The following FRMD4A variants were observed in gnomAD, a reference collection of about 807,000 sequenced individuals.
The protein encoded by FRMD4A is FERM domain containing 4A.
Under a neutral mutation model 129.1 loss-of-function variants are expected in FRMD4A, and 29 were observed. The ratio of observed to expected loss-of-function variants is 0.22; its 90% CI spans 0.17 to 0.31. The LOEUF (loss-of-function observed/expected upper bound fraction) is 0.31. Ranked by LOEUF, FRMD4A falls within the 10% of genes least tolerant of loss-of-function variation. The pLI is 1.00. For missense variants in FRMD4A, 1,272 were observed against 1,375.8 expected, an observed-to-expected ratio of 0.92 and a Z score of 1.19; for synonymous variants, 634 against 571.6, an observed-to-expected ratio of 1.11 and a Z score of -1.56.
At chr10:14,091,553 C>G (rs1363820496) in intron 2 of FRMD4A, among the ~76,000 whole-genome samples, 1 of 152,192 alleles carries the variant, frequency 6.6e-6, no homozygotes, top group Non-Finnish European at 1.5e-5. Flanking sequence ...TCTGCCTCAG[C>G]CTCCTGAGTA....
chr10:14,196,985 G>T (rs1312980604), intron 2 of FRMD4A, among the ~76,000 whole-genome samples: 1 of 152,148 alleles, frequency 6.6e-6, no homozygotes, highest in African/African-American at 2.4e-5. Flanking sequence ...CCATGAATTG[G>T]AAACCAACGA....
intron 2 of FRMD4A, among the ~76,000 whole-genome samples, chr10:14,004,230 A>C (rs2095653405): frequency 6.6e-6 from 1 of 152,212 alleles, no homozygotes; most frequent in African/African-American, 2.4e-5. Context: ...TCTAAATATA[A>C]AAAATTGTCA....
chr10:13,669,342 C>T (rs1395363372), intron 17 of FRMD4A, among the ~76,000 whole-genome samples: 5 of 152,104 alleles, frequency 3.3e-5, no homozygotes, highest in South Asian at 4.1e-4. Context: ...GATTTTGCAG[C>T]GAAAGGCGTG....
chr10:13,892,833 GA>G (rs2094716449), intron 2 of FRMD4A, among the ~76,000 whole-genome samples: 2 of 152,220 alleles, frequency 1.3e-5, no homozygotes, highest in Admixed American at 1.3e-4. Context: ...GTAATAAAAA[GA>G]AATCACTCAC....
intron 2 of FRMD4A, among the ~76,000 whole-genome samples, chr10:14,049,993 C>T (rs1345410828): frequency 6.6e-6 from 1 of 152,214 alleles, no homozygotes; most frequent in Non-Finnish European, 1.5e-5. Context: ...TACTGAGCAC[C>T]TACGACACGG....
At chr10:13,965,853 A>T (rs949644780) in intron 2 of FRMD4A, among the ~76,000 whole-genome samples, 7 of 152,240 alleles carry the variant, frequency 4.6e-5, no homozygotes, top group Non-Finnish European at 7.3e-5. Context: ...GAGATCAAAG[A>T]CCAGGCAACC....
At chr10:13,927,541 C>T (rs1297576683) in intron 2 of FRMD4A, among the ~76,000 whole-genome samples, 1 of 152,146 alleles carries the variant, frequency 6.6e-6, no homozygotes, top group Non-Finnish European at 1.5e-5. Context: ...TCTCAGGGTA[C>T]AAGTTCTACA....
intron 2 of FRMD4A, among the ~76,000 whole-genome samples, chr10:14,114,032 G>A (rs980060854): frequency 6.6e-6 from 1 of 152,146 alleles, no homozygotes; most frequent in African/African-American, 2.4e-5. Context: ...GTCTCAGTAG[G>A]GGGTGCCTTC....
intron 2 of FRMD4A, among the ~76,000 whole-genome samples, chr10:13,965,688 G>T (rs1403001630): frequency 6.6e-6 from 1 of 152,170 alleles, no homozygotes; most frequent in Non-Finnish European, 1.5e-5. Flanking sequence ...AATCTGCACA[G>T]TATTTCCAAT....
intron 6 of FRMD4A, among the ~76,000 whole-genome samples, chr10:13,763,961 G>A (rs932796861): frequency 1.3e-5 from 2 of 152,006 alleles, no homozygotes; most frequent in African/African-American, 4.8e-5. Flanking sequence ...GGAACTCCTA[G>A]CCTCAGGTGA....
chr10:14,110,125 T>TTAAAAAAAAAAAAAAAAAAAAAAA lies in FRMD4A; in HGVS notation c.45+219932_45+219933insTTTTTTTTTTTTTTTTTTTTTTTA, dbSNP rs372420987. Among the ~76,000 whole-genome samples the TTAAAAAAAAAAAAAAAAAAAAAAA allele has an allele frequency of 6.7e-4, 60 of 89,550 alleles. 16 individuals are homozygous for TTAAAAAAAAAAAAAAAAAAAAAAA. The highest frequency in any genetic ancestry group is 2.6e-3 in the African/African-American group (56 of 21,520). The allele number at this position is 89,550 out of a possible 152,430, so 58.7% of individuals were successfully genotyped here. A position where few individuals can be genotyped will look rare whatever the true frequency, so the allele number is the denominator to read the frequency against. On this transcript the variant is annotated intron_variant, in intron 2 of 24. Coordinates refer to ENST00000357447, the MANE Select transcript of FRMD4A (RefSeq NM_018027.5). ...GGCTGGGCAACAAAGCGAGATGCTG[T>TTAAAAAAAAAAAAAAAAAAAAAAA]AAAAAAAAAAAAAAAAAAAAAAGCT...
chr10:14,056,945 TC>T (rs887673819), intron 2 of FRMD4A, among the ~76,000 whole-genome samples: 3 of 152,168 alleles, frequency 2.0e-5, no homozygotes, highest in African/African-American at 7.2e-5. Flanking sequence ...AACAAGTGAG[TC>T]TTTTGTGGCT....
intron 3 of FRMD4A, among the ~76,000 whole-genome samples, chr10:13,844,198 G>T (rs1033850199): frequency 6.6e-6 from 1 of 151,988 alleles, no homozygotes; most frequent in Non-Finnish European, 1.5e-5. Context: ...TGTGTGTGCG[G>T]TTGACAGACC....
chr10:14,123,934 T>C (rs1252078459), intron 2 of FRMD4A, among the ~76,000 whole-genome samples: 3 of 152,190 alleles, frequency 2.0e-5, no homozygotes, highest in Non-Finnish European at 4.4e-5. Flanking sequence ...TTGCAACTCA[T>C]TCTGCAACCC....
chr10:13,937,232 AG>A (rs1466021079), intron 2 of FRMD4A, among the ~76,000 whole-genome samples: 1 of 152,238 alleles, frequency 6.6e-6, no homozygotes, highest in East Asian at 1.9e-4. Flanking sequence ...CTTCAATAAC[AG>A]CAACCCTCAG....
intron 2 of FRMD4A, among the ~76,000 whole-genome samples, chr10:13,912,082 G>A (rs2094946787): frequency 1.3e-5 from 2 of 152,096 alleles, no homozygotes; most frequent in African/African-American, 2.4e-5. Context: ...CAATCCAAAT[G>A]CTTCTCATTT....
intron 12 of FRMD4A, 129 bp downstream of exon 12, chr10:13,737,715 A>G: frequency 1.6e-6 from 1 of 622,584 alleles, no homozygotes; most frequent in Non-Finnish European, 2.9e-6. Context: ...AGTAATTTGT[A>G]TACACTAAAA....
chr10:14,294,514 T>C (rs940747694), intron 2 of FRMD4A, among the ~76,000 whole-genome samples: 2 of 152,230 alleles, frequency 1.3e-5, no homozygotes, highest in African/African-American at 2.4e-5. Context: ...GCGTTATTAT[T>C]ATGCTCTCTT....
chr10:13,938,199 C>G (rs908148890), intron 2 of FRMD4A, among the ~76,000 whole-genome samples: 1 of 152,020 alleles, frequency 6.6e-6, no homozygotes, highest in Non-Finnish European at 1.5e-5. Flanking sequence ...TCCTTGTGTT[C>G]AGAAAGCATT....
Sources: allele counts gnomAD v4.1 joint callset (sites outside exome capture counted in the v4.1 genomes callset), GRCh38; gene constraint gnomAD v4.1.1; transcripts MANE v1.5; gene names NCBI Gene and HGNC (gene_info 2026-07-23, HGNC 2026-07-21).